The following BICRA variants were observed in gnomAD, a reference collection of about 807,000 sequenced individuals.
BICRA encodes the protein BRD4 interacting chromatin remodeling complex associated protein, also known as BRD4-interacting chromatin-remodeling complex-associated protein.
BICRA carries 31 observed loss-of-function variants against 96.9 expected under a neutral mutation model. The observed-to-expected ratio is 0.32, with a 90% CI of 0.24 to 0.43. The LOEUF is 0.43. BICRA is among the 20% of genes least tolerant of loss of function. The pLI is 1.00. For missense variants in BICRA, 2,283 were observed against 2,190.3 expected (o/e 1.04, Z -0.84); for synonymous variants, 1,350 against 1,071.8 (o/e 1.26, Z -5.07).
At chr19:47,690,851 T>C (rs1257495510) in intron 7 of BICRA, among the ~76,000 whole-genome samples, 1 of 150,972 alleles carries the variant, frequency 6.6e-6, no homozygotes, top group East Asian at 1.9e-4. Context: ...ATTTTTTTAA[T>C]TTTTTGGTAT....
At chr19:47,609,076 G>C (rs1345010231), upstream of BICRA, 1 of 147,834 alleles carries the variant, frequency 6.8e-6, no homozygotes, top group South Asian at 2.0e-4. Context: ...TGCGCTGACC[G>C]GCCCGGCCGG....
Position 47,694,539 on chromosome 19 carries a change from C to A in BICRA, c.2708C>A (p.Pro903Gln). 6.2e-7 allele frequency: 1 copy of A among 1,610,874 alleles called. No homozygotes were observed. Among genetic ancestry groups the A allele is most frequent in the Non-Finnish European group, 8.5e-7 (1 of 1,178,960 alleles). ...ETSSRLPAPT[P>Q]SDFQLQFPPS... ...TCCTCCAGGTTGCCAGCCCCTACGC[C>A]ATCCGACTTCCAGCTCCAGTTCCCA... The change falls in exon 8 of 15, where the codon CCA becomes CAA. Residue 903 changes from proline to glutamine, a missense_variant. Transcript: ENST00000594866.
intron 1 of BICRA, among the ~76,000 whole-genome samples, chr19:47,623,563 C>T (rs926584430): frequency 1.3e-5 from 2 of 152,206 alleles, no homozygotes; most frequent in African/African-American, 2.4e-5. Flanking sequence ...CCCATGTTCT[C>T]ACCTCCAGCA....
chr19:47,653,862 C>T (rs1335536097), intron 1 of BICRA, among the ~76,000 whole-genome samples: 1 of 152,042 alleles, frequency 6.6e-6, no homozygotes, highest in African/African-American at 2.4e-5. Flanking sequence ...AACTGAGTTT[C>T]GCTCTTGTTG....
At chr19:47,611,104 C>CA (rs1971900212) in intron 1 of BICRA, among the ~76,000 whole-genome samples, 2 of 149,088 alleles carry the variant, frequency 1.3e-5, no homozygotes, top group African/African-American at 4.9e-5. Context: ...CCCAGGGTCA[C>CA]ACAGCCCTGG....
intron 1 of BICRA, chr19:47,626,406 G>A (rs529126359): frequency 6.6e-6 from 1 of 152,156 alleles, no homozygotes; most frequent in African/African-American, 2.4e-5. Flanking sequence ...GTTTTGTTTT[G>A]GAGACAGAGT....
At chr19:47,685,776 T>C (rs1246764595) in intron 7 of BICRA, among the ~76,000 whole-genome samples, 63 of 133,270 alleles carry the variant, frequency 4.7e-4, no homozygotes, top group East Asian at 4.7e-3. Context: ...TGTGTGTGTG[T>C]GTGTGTGTGT....
chr19:47,620,667 C>CAAAAAAAAAAAAA lies in BICRA; in HGVS notation c.-108+11509_-108+11521dup, dbSNP rs10675281. 5.2e-4 allele frequency among the ~76,000 whole-genome samples: 35 copies of CAAAAAAAAAAAAA among 67,562 alleles called. 1 individual carries two copies. Among genetic ancestry groups the CAAAAAAAAAAAAA allele is most frequent in the Non-Finnish European group, 5.9e-4 (23 of 38,810 alleles). The allele number at this position is 67,562 out of a possible 152,430, so 44.3% of individuals were successfully genotyped here. A position where few individuals can be genotyped will look rare whatever the true frequency, so the allele number is the denominator to read the frequency against. ...CTTGGGCGACAGAGTGAGACTGTCT[C>CAAAAAAAAAAAAA]AAAAAAAAAAAAAAAAAAAAAACAA... On this transcript the variant is annotated intron_variant, in intron 1 of 14. Coordinates refer to ENST00000594866, the MANE Select transcript of BICRA (RefSeq NM_001394372.1).
Position 47,648,666 on chromosome 19 carries a change from G to GT in BICRA, c.-107-21765dup, listed in dbSNP as rs778225836. Among the ~76,000 whole-genome samples, 676 of 140,374 alleles carry GT rather than the reference G, an allele frequency of 4.8e-3. 5 individuals carry two copies. Among genetic ancestry groups the GT allele is most frequent in the Non-Finnish European group, 6.5e-3 (419 of 64,256 alleles). 92.1% of individuals were successfully genotyped at this position (140,374 alleles called of 152,430 possible). ...GGTGGTGGATCACCTGAGGTCAGGA[G>GT]TTTTTTTTTTTTGTTTGTTTTTTTT... is the stretch of plus-strand genomic sequence containing the variant. On this transcript the variant is annotated intron_variant, in intron 1 of 14. Transcript: ENST00000594866.
At chr19:47,657,690 C>T (rs1972641105) in intron 1 of BICRA, among the ~76,000 whole-genome samples, 1 of 152,082 alleles carries the variant, frequency 6.6e-6, no homozygotes, top group South Asian at 2.1e-4. Context: ...GCCACCATGC[C>T]CGGCTGCTGT....
At chr19:47,660,461 A>T (rs1972687687) in intron 1 of BICRA, among the ~76,000 whole-genome samples, 1 of 152,164 alleles carries the variant, frequency 6.6e-6, no homozygotes, top group Admixed American at 6.6e-5. Flanking sequence ...TGGGATGTTT[A>T]CATATTTTTT....
At chr19:47,684,000 T>C (rs138594403) in intron 7 of BICRA, among the ~76,000 whole-genome samples, 1 of 152,276 alleles carries the variant, frequency 6.6e-6, no homozygotes. Context: ...AGCACAGGCT[T>C]TGACCTCGAA....
intron 1 of BICRA, among the ~76,000 whole-genome samples, chr19:47,611,435 A>T (rs1051073309): frequency 1.3e-5 from 2 of 152,156 alleles, no homozygotes; most frequent in Admixed American, 1.3e-4. Context: ...AGGCCTGGCC[A>T]GTGATGGGCT....
intron 1 of BICRA, among the ~76,000 whole-genome samples, chr19:47,633,556 C>T (rs922756680): frequency 2.6e-5 from 4 of 152,268 alleles, no homozygotes; most frequent in African/African-American, 9.6e-5. Flanking sequence ...CCTTAGTCTT[C>T]CTCTAGGACT....
At chr19:47,656,069 G>GACACACACACACACACACAC (rs60179476) in intron 1 of BICRA, among the ~76,000 whole-genome samples, 9 of 132,242 alleles carry the variant, frequency 6.8e-5, no homozygotes, top group Admixed American at 2.4e-4. Context: ...ATCCTGTCTC[G>GACACACACACACACACACAC]ACACACACAC....
chr19:47,654,082 CTATGTT>C (rs993701593), intron 1 of BICRA, among the ~76,000 whole-genome samples: 5 of 152,138 alleles, frequency 3.3e-5, no homozygotes, highest in African/African-American at 1.2e-4. Flanking sequence ...CGTGGCAACT[CTATGTT>C]TAACTTTTGG....
In BICRA at chr19:47,679,929, G is replaced by A; in HGVS notation, c.759G>A (p.Leu253=). The change falls in exon 6 of 15, where the codon CTG becomes CTA. Residue 253 remains leucine (L), a synonymous_variant. Coordinates refer to ENST00000594866, the MANE Select transcript of BICRA (RefSeq NM_001394372.1). Reference sequence around the variant, plus strand: ...TCAACACGCCCACCTCCCAGCTCCTGGCCAAGCAGGTGCCCGTCAGCGGCT... The same window carrying A: ...TCAACACGCCCACCTCCCAGCTCCTAGCCAAGCAGGTGCCCGTCAGCGGCT... ...MALNTPTSQL[L]AKQVPVSGYL... is the part of the protein sequence containing the mutation. 1 of 1,514,836 alleles carries A rather than the reference G, an allele frequency of 6.6e-7. No individual in the cohort carries two copies. The highest frequency in any genetic ancestry group is 8.8e-7 in the Non-Finnish European group (1 of 1,138,302). 93.8% of individuals were successfully genotyped at this position (1,514,836 alleles called of 1,614,324 possible). A position where few individuals can be genotyped will look rare whatever the true frequency, so the allele number is the denominator to read the frequency against.
intron 1 of BICRA, among the ~76,000 whole-genome samples, chr19:47,658,591 C>T (rs1040013631): frequency 4.1e-5 from 6 of 147,148 alleles, no homozygotes; most frequent in Admixed American, 1.4e-4. Context: ...GAAATCATGC[C>T]ACTGCGCTCC....
At chr19:47,654,732 T>G (rs1972588928) in intron 1 of BICRA, among the ~76,000 whole-genome samples, 1 of 150,540 alleles carries the variant, frequency 6.6e-6, no homozygotes, top group Non-Finnish European at 1.5e-5. Flanking sequence ...GTGGGAAGAT[T>G]ACTTGAGCCC....
Sources: allele counts gnomAD v4.1 joint callset (sites outside exome capture counted in the v4.1 genomes callset), GRCh38; gene constraint gnomAD v4.1.1; transcripts MANE v1.5; gene names NCBI Gene and HGNC (gene_info 2026-07-23, HGNC 2026-07-21).